The following CRIM1 variants were observed in gnomAD, a reference collection of about 807,000 sequenced individuals.
CRIM1 encodes cysteine-rich motor neuron 1 protein.
A neutral mutation model predicts 116.4 loss-of-function variants in CRIM1; 32 were observed. That is an observed-to-expected ratio of 0.27 (90% CI 0.21 to 0.37). The LOEUF is 0.37. Among genes scored for constraint, CRIM1 ranks in the 10% least tolerant of loss-of-function variants. CRIM1 has a pLI of 1.00. For synonymous variants in CRIM1, 590 were observed against 509.2 expected, an observed-to-expected ratio of 1.16 and a Z score of -2.13; for missense variants, 1,331 against 1,354.8, an observed-to-expected ratio of 0.98 and a Z score of 0.28.
chr2:36,361,104 G>T (rs1669196740), intron 1 of CRIM1, among the ~76,000 whole-genome samples: 1 of 152,216 alleles, frequency 6.6e-6, no homozygotes, highest in Non-Finnish European at 1.5e-5. Flanking sequence ...ACAGGACTCA[G>T]TGACCTTCAC....
chr2:36,402,126 C>G (rs761150262), intron 2 of CRIM1, among the ~76,000 whole-genome samples: 1 of 152,062 alleles, frequency 6.6e-6, no homozygotes, highest in Admixed American at 6.6e-5. Flanking sequence ...CTTGAGAGAG[C>G]CTGATGGTCA....
At chr2:36,457,293 T>C (rs973970101) in intron 4 of CRIM1, among the ~76,000 whole-genome samples, 2 of 152,156 alleles carry the variant, frequency 1.3e-5, no homozygotes, top group African/African-American at 2.4e-5. Flanking sequence ...CTTTAACTTA[T>C]ACCTTCCCTA....
intron 7 of CRIM1, among the ~76,000 whole-genome samples, chr2:36,493,160 G>A (rs1413479162): frequency 2.0e-5 from 3 of 152,058 alleles, no homozygotes; most frequent in Non-Finnish European, 2.9e-5. Flanking sequence ...TGTAATCCCA[G>A]CACTTTAGGA....
At chr2:36,512,043 C>G (rs1664724376) in intron 9 of CRIM1, among the ~76,000 whole-genome samples, 1 of 152,324 alleles carries the variant, frequency 6.6e-6, no homozygotes, top group African/African-American at 2.4e-5. Flanking sequence ...TTCTGAGAGC[C>G]ACATCCTAGA....
intron 15 of CRIM1, among the ~76,000 whole-genome samples, chr2:36,544,948 C>T (rs1316906161): frequency 6.6e-6 from 1 of 152,194 alleles, no homozygotes; most frequent in Non-Finnish European, 1.5e-5. Context: ...GTGAGCTAAA[C>T]TTATCACCTA....
At chr2:36,381,175 G>A (rs979121190) in intron 1 of CRIM1, among the ~76,000 whole-genome samples, 3 of 152,246 alleles carry the variant, frequency 2.0e-5, no homozygotes, top group East Asian at 3.8e-4. Context: ...CTGGAATGTG[G>A]CACTCTGACC....
chr2:36,525,781 T>G (rs1030173670), intron 13 of CRIM1, among the ~76,000 whole-genome samples: 1 of 152,054 alleles, frequency 6.6e-6, no homozygotes, highest in Admixed American at 6.6e-5. Flanking sequence ...TCTAAAAACC[T>G]CAAACTCACA....
rs1572980498 is a variant in CRIM1 at position 36,547,000 on chromosome 2, G to A, written c.2763G>A (p.Gln921=). Reference sequence around the variant, plus strand: ...TTCTCCTAGATATGGGTCACCTCCAGGTAGATTACAGAGATAACAGGCTGC... The same window carrying A: ...TTCTCCTAGATATGGGTCACCTCCAAGTAGATTACAGAGATAACAGGCTGC... ...VHLPRDMGHL[Q]VDYRDNRLHP... is the part of the protein sequence containing the mutation. Residue 921 remains glutamine (Q), a synonymous_variant, in exon 16 of 17, where the codon CAG becomes CAA. Transcript: ENST00000280527. 1 of 1,607,064 alleles carries A rather than the reference G, an allele frequency of 6.2e-7. No homozygotes were observed. The highest frequency in any genetic ancestry group is 2.2e-5 in the East Asian group (1 of 44,734).
At position 36,549,403 on chromosome 2, in the gene CRIM1, A is replaced by AAT. The variant is rs1182231453; in HGVS notation, c.*703_*704dup. 6.6e-6 allele frequency: 1 copy of AAT among 152,588 alleles called. No individual in the cohort carries two copies. The highest frequency in any genetic ancestry group is 1.9e-4 in the East Asian group (1 of 5,196). The allele number at this position is 152,588 out of a possible 1,614,324, so 9.5% of individuals were successfully genotyped here. A position where few individuals can be genotyped will look rare whatever the true frequency, so the allele number is the denominator to read the frequency against. ...GCTTTTATTTTCTTCCAAGCCAATC[A>AAT]ATCAGCCAGTTCCTAGCAGAGTCAG... On this transcript the variant is annotated 3_prime_UTR_variant, in exon 17 of 17. Coordinates refer to ENST00000280527, the MANE Select transcript of CRIM1 (RefSeq NM_016441.3).
intron 9 of CRIM1, among the ~76,000 whole-genome samples, chr2:36,510,852 C>T (rs903487257): frequency 6.6e-6 from 1 of 150,632 alleles, no homozygotes; most frequent in Non-Finnish European, 1.5e-5. Flanking sequence ...ATATTTTTCC[C>T]TTTGCTGTCT....
At chr2:36,371,289 T>A (rs1482876556) in intron 1 of CRIM1, among the ~76,000 whole-genome samples, 1 of 151,920 alleles carries the variant, frequency 6.6e-6, no homozygotes, top group African/African-American at 2.4e-5. Context: ...TAAATAGCAC[T>A]TTCTCCTTCC....
intron 8 of CRIM1, among the ~76,000 whole-genome samples, chr2:36,502,140 G>A (rs939534282): frequency 3.3e-5 from 5 of 152,126 alleles, no homozygotes; most frequent in African/African-American, 1.2e-4. Flanking sequence ...CCTGGGTTTT[G>A]CTATTGTGAA....
chr2:36,383,267 A>G (rs1405970662), intron 1 of CRIM1, among the ~76,000 whole-genome samples: 1 of 152,214 alleles, frequency 6.6e-6, no homozygotes, highest in African/African-American at 2.4e-5. Context: ...ATGTGTTCTA[A>G]TTTGAAATGT....
intron 2 of CRIM1, among the ~76,000 whole-genome samples, chr2:36,417,179 T>C (rs1391163133): frequency 2.6e-5 from 4 of 152,222 alleles, no homozygotes; most frequent in Non-Finnish European, 4.4e-5. Flanking sequence ...CTCCTGTGTC[T>C]GTGGTGATTA....
intron 6 of CRIM1, 100 bp from the exon 7 acceptor site, chr2:36,479,397 T>A (rs899519556): frequency 8.8e-6 from 10 of 1,135,534 alleles, no homozygotes; most frequent in Admixed American, 1.9e-5. Context: ...GGAATAGAAC[T>A]GCTGATGACT....
At chr2:36,391,277 C>A (rs548215168) in intron 1 of CRIM1, among the ~76,000 whole-genome samples, 8 of 151,480 alleles carry the variant, frequency 5.3e-5, no homozygotes, top group Non-Finnish European at 1.0e-4. Flanking sequence ...TACAGGCGCC[C>A]GCCACCACGC....
intron 2 of CRIM1, among the ~76,000 whole-genome samples, chr2:36,440,994 T>G (rs1456021868): frequency 6.6e-6 from 1 of 152,196 alleles, no homozygotes; most frequent in African/African-American, 2.4e-5. Context: ...TTCATTTTGG[T>G]CATTGCTCCA....
intron 2 of CRIM1, among the ~76,000 whole-genome samples, chr2:36,431,302 A>G (rs1025045912): frequency 6.6e-6 from 1 of 152,240 alleles, no homozygotes; most frequent in Non-Finnish European, 1.5e-5. Context: ...TATATTTTAC[A>G]TAATATGAAA....
intron 2 of CRIM1, among the ~76,000 whole-genome samples, chr2:36,409,089 G>C (rs983550061): frequency 1.3e-5 from 2 of 152,078 alleles, no homozygotes; most frequent in African/African-American, 2.4e-5. Context: ...AGGAAGCAGG[G>C]CTGAATGCAT....
Sources: gnomAD v4.1 joint callset for allele counts (sites outside exome capture counted in the v4.1 genomes callset) on GRCh38, gnomAD v4.1.1 for gene constraint, MANE v1.5 for transcripts, NCBI Gene and HGNC (gene_info 2026-07-23, HGNC 2026-07-21) for gene names.